Variants in USP54 observed in about 807,000 individuals in gnomAD.
USP54 encodes ubiquitin specific peptidase 54, also known as ubiquitin carboxyl-terminal hydrolase 54.
In USP54, 87 loss-of-function variants were observed where a neutral mutation model predicts 170.5. The observed-to-expected ratio is 0.51, with a 90% confidence interval of 0.43 to 0.61. The LOEUF (loss-of-function observed/expected upper bound fraction) is 0.61, where lower values mean the gene tolerates loss of function less well. USP54 is among the 20% of genes least tolerant of loss of function. The probability of loss-of-function intolerance (pLI) is 0.00; values close to 1 mark genes in which losing one functional copy is unlikely to be tolerated. For synonymous variants in USP54, 655 were observed against 742.8 expected, an observed-to-expected ratio of 0.88 and a Z score of 1.92; for missense variants, 1,786 against 2,047.8, an observed-to-expected ratio of 0.87 and a Z score of 2.47.
intron 1 of USP54, among the ~76,000 whole-genome samples, chr10:73,580,293 T>G (rs1245452055): frequency 8.2e-6 from 1 of 121,578 alleles, no homozygotes. Flanking sequence ...CACTCCAACC[T>G]AGGCAACAGA....
intron 22 of USP54, chr10:73,504,227 C>A (rs1240602456): frequency 6.5e-6 from 1 of 153,118 alleles, no homozygotes; most frequent in Non-Finnish European, 1.5e-5. Flanking sequence ...CTGACCTCTA[C>A]TGTGATGAAC....
chr10:73,571,641 C>A, intron 3 of USP54, 128 bp from the exon 4 acceptor site: 1 of 624,080 alleles, frequency 1.6e-6, no homozygotes, highest in Non-Finnish European at 2.7e-6. Context: ...AAACTTCATT[C>A]TAGTATATTA....
intron 3 of USP54, among the ~76,000 whole-genome samples, chr10:73,573,035 G>A (rs560496778): frequency 7.2e-5 from 11 of 152,202 alleles, no homozygotes; most frequent in Non-Finnish European, 1.3e-4. Flanking sequence ...TATAATCCCA[G>A]CACTTTGGGA....
At position 73,564,789 on chromosome 10, in the gene USP54, T is replaced by C. The variant is rs1223059662; in HGVS notation, c.240+6632A>G. On this transcript the variant is annotated intron_variant, in intron 4 of 23. Coordinates refer to ENST00000687698, the MANE Select transcript of USP54 (RefSeq NM_001391956.1). ...GCTTAGCAACTAATATTTTATATGGTGGTCAAGCATAGTGGCTCATGCCAG... is the reference window on the plus strand; with the variant it reads ...GCTTAGCAACTAATATTTTATATGGCGGTCAAGCATAGTGGCTCATGCCAG... Among the ~76,000 whole-genome samples the C allele has an allele frequency of 2.0e-5, 3 of 150,662 alleles. No homozygotes were observed. In the East Asian group the frequency reaches 5.9e-4, roughly 29 times the overall value.
At chr10:73,622,943 G>GAA (rs74638216) in intron 1 of USP54, among the ~76,000 whole-genome samples, 1 of 103,790 alleles carries the variant, frequency 9.6e-6, no homozygotes. Context: ...CGTCTTTAAA[G>GAA]AAAAAAAAAA....
rs1292184056 is a variant in USP54 at position 73,566,763 on chromosome 10, AC to A, written c.240+4657del. The stretch of plus-strand genomic sequence containing the variant: ...CAAACAAAAAAACAAAACAAAAAAA[AC>A]AACAACAAGGAAATGACTACCACAA... On this transcript the variant is annotated intron_variant, in intron 4 of 23. Coordinates refer to ENST00000687698, the MANE Select transcript of USP54 (RefSeq NM_001391956.1). Among the ~76,000 whole-genome samples the A allele has an allele frequency of 7.9e-5, 12 of 152,208 alleles. No homozygotes were observed. In the East Asian group the frequency reaches 1.7e-3, roughly 22 times the overall value.
chr10:73,516,674 C>T lies in USP54; in HGVS notation c.3752G>A (p.Ser1251Asn). The T allele has an allele frequency of 2.5e-6, 4 of 1,614,252 alleles. No homozygotes were observed. The highest frequency in any genetic ancestry group is 1.3e-5 in the African/African-American group (1 of 75,078). ...AGGCAAGGAAGTCCCCAAGTCAGTA[C>T]TGCTGCCCAGATCCTTAGACCTAAC... ...RDVRSKDLGSSTDLGTSLPLD... is the reference protein window; with the variant it reads ...RDVRSKDLGSNTDLGTSLPLD... The change falls in exon 20 of 24, where the codon AGT becomes AAT. Residue 1251 changes from serine to asparagine, a missense_variant. Around this residue, in one of 3 missense-constraint regions of USP54, gnomAD observed 1,418 missense variants for 1,569.0 expected, o/e 0.90. Coordinates refer to ENST00000687698, the MANE Select transcript of USP54 (RefSeq NM_001391956.1).
chr10:73,605,899 C>A (rs1027060127), intron 1 of USP54, among the ~76,000 whole-genome samples: 8 of 151,854 alleles, frequency 5.3e-5, no homozygotes, highest in Non-Finnish European at 7.4e-5. Flanking sequence ...ACAGGGTGGG[C>A]AGGTGTGGTA....
chr10:73,550,724 C>T (rs1454536197), intron 4 of USP54, among the ~76,000 whole-genome samples: 2 of 151,994 alleles, frequency 1.3e-5, no homozygotes, highest in Non-Finnish European at 2.9e-5. Context: ...AGTAAGGAAT[C>T]ACCTTAAAAA....
chr10:73,525,403 T>C (rs2062681705), intron 16 of USP54, among the ~76,000 whole-genome samples: 1 of 152,160 alleles, frequency 6.6e-6, no homozygotes, highest in Non-Finnish European at 1.5e-5. Flanking sequence ...TGGGGTGATA[T>C]GGTGTGTGAA....
At chr10:73,579,590 A>G (rs893780855) in intron 1 of USP54, among the ~76,000 whole-genome samples, 1 of 151,978 alleles carries the variant, frequency 6.6e-6, no homozygotes, top group Non-Finnish European at 1.5e-5. Context: ...CCCCATCTCT[A>G]TTAAAATTAC....
chr10:73,513,120 G>C (rs2133251928), intron 20 of USP54: 1 of 152,272 alleles, frequency 6.6e-6, no homozygotes, highest in Middle Eastern at 3.4e-3. Flanking sequence ...CCACTTAAGT[G>C]CAAAGATATT....
intron 20 of USP54, among the ~76,000 whole-genome samples, chr10:73,515,196 CTG>C (rs2060864458): frequency 6.6e-6 from 1 of 152,140 alleles, no homozygotes; most frequent in Non-Finnish European, 1.5e-5. Context: ...ATTACAGAAA[CTG>C]TCACAGCCAA....
At chr10:73,533,221 G>T (rs1290556620) in intron 12 of USP54, among the ~76,000 whole-genome samples, 1 of 152,042 alleles carries the variant, frequency 6.6e-6, no homozygotes, top group Non-Finnish European at 1.5e-5. Flanking sequence ...CAGGAGAATG[G>T]CATGAACCTG....
chr10:73,544,038 G>T (rs2067211570), intron 5 of USP54, among the ~76,000 whole-genome samples: 1 of 151,860 alleles, frequency 6.6e-6, no homozygotes, highest in African/African-American at 2.4e-5. Flanking sequence ...TACCTCCCGG[G>T]TTCAAGAGAT....
chr10:73,539,493 T>C lies in USP54; in HGVS notation c.926A>G (p.Gln309Arg), dbSNP rs2066100440. Residue 309 changes from glutamine (Q) to arginine (R), a missense_variant, in exon 10 of 24, where the codon CAA becomes CGA. Gln to Arg is a conservative substitution (Grantham distance 43, BLOSUM62 1). This residue lies in a region of USP54 where 361 missense variants were observed against 455.0 expected (regional missense o/e 0.79). Coordinates refer to ENST00000687698, the MANE Select transcript of USP54 (RefSeq NM_001391956.1). ...YGKHYSTFFF[Q>R]TKIRKWMYFD... ...ATACATCCATTTGCGAATCTTTGTTTGAAAAAAGAATGTAGAATAATGTTT... is the reference window on the plus strand; with the variant it reads ...ATACATCCATTTGCGAATCTTTGTTCGAAAAAAGAATGTAGAATAATGTTT... 1.9e-6 allele frequency: 3 copies of C among 1,610,102 alleles called. No individual in the cohort carries two copies. In the African/African-American group the frequency reaches 4.0e-5, roughly 22 times the overall value.
Position 73,515,485 on chromosome 10 carries a change from G to A in USP54, c.4051+890C>T, listed in dbSNP as rs535057973. ...GACTATGATGTGCACTTCAGGTGCA[G>A]GCTCTACTCTTCACTCTGTATTATC... is the stretch of plus-strand genomic sequence containing the variant. On this transcript the variant is annotated intron_variant, in intron 20 of 23. Transcript: ENST00000687698. Among the ~76,000 whole-genome samples, 34 of 152,260 alleles carry A rather than the reference G, an allele frequency of 2.2e-4. 1 individual carries two copies. Among genetic ancestry groups the A allele is most frequent in the Admixed American group, 5.2e-4 (8 of 15,298 alleles).
At chr10:73,592,133 G>C (rs1357592353), upstream of USP54, among the ~76,000 whole-genome samples, 2 of 151,840 alleles carry the variant, frequency 1.3e-5, no homozygotes, top group East Asian at 3.9e-4. Flanking sequence ...AGTCAACCGA[G>C]AACTTGCATT....
chr10:73,577,501 G>A (rs552900418), intron 1 of USP54, among the ~76,000 whole-genome samples: 30 of 151,812 alleles, frequency 2.0e-4, no homozygotes, highest in Non-Finnish European at 2.8e-4. Context: ...TATCGTATCC[G>A]TCATAATATG....
Sources: gnomAD v4.1 joint callset for allele counts (sites outside exome capture counted in the v4.1 genomes callset) on GRCh38, gnomAD v4.1.1 for gene constraint, gnomAD v4.1.1 regional missense constraint, MANE v1.5 for transcripts, NCBI Gene and HGNC (gene_info 2026-07-23, HGNC 2026-07-21) for gene names.